The following UNC5D variants were observed in gnomAD, a reference collection of about 807,000 sequenced individuals.
UNC5D encodes netrin receptor UNC5D.
Under a neutral mutation model 105.4 loss-of-function variants are expected in UNC5D, and 39 were observed. That is an observed-to-expected ratio of 0.37 (90% CI 0.29 to 0.48). UNC5D has a LOEUF of 0.48. Ranked by LOEUF, UNC5D falls within the 20% of genes least tolerant of loss-of-function variation. The pLI is 0.98. For missense variants in UNC5D, 991 were observed against 1,202.4 expected (o/e 0.82, Z 2.60); for synonymous variants, 452 against 450.4 (o/e 1.00, Z -0.04).
At chr8:35,450,023 C>T (rs1006145883) in intron 1 of UNC5D, among the ~76,000 whole-genome samples, 5 of 152,154 alleles carry the variant, frequency 3.3e-5, no homozygotes, top group African/African-American at 7.2e-5. Flanking sequence ...TCTCTTTCCA[C>T]ACTCTAGTCT....
chr8:35,319,234 T>G (rs1318435350), intron 1 of UNC5D, among the ~76,000 whole-genome samples: 1 of 152,126 alleles, frequency 6.6e-6, no homozygotes, highest in Non-Finnish European at 1.5e-5. Context: ...AAACTTAATC[T>G]CATTTACAGA....
chr8:35,314,826 A>G (rs550549643), intron 1 of UNC5D, among the ~76,000 whole-genome samples: 110 of 152,298 alleles, frequency 7.2e-4, no homozygotes, highest in Admixed American at 7.1e-3. Context: ...GCAAATCTAT[A>G]GATAATAACA....
intron 16 of UNC5D, among the ~76,000 whole-genome samples, chr8:35,782,941 C>T (rs989746397): frequency 6.6e-6 from 1 of 151,904 alleles, no homozygotes; most frequent in Non-Finnish European, 1.5e-5. Context: ...TCAAGGTGAG[C>T]CCTGGCAACA....
intron 1 of UNC5D, among the ~76,000 whole-genome samples, chr8:35,242,762 C>T (rs766795945): frequency 3.3e-5 from 5 of 152,054 alleles, no homozygotes; most frequent in Non-Finnish European, 7.4e-5. Context: ...CATGAGCCAC[C>T]GTGCCTGGCC....
At chr8:35,422,549 T>C (rs973274718) in intron 1 of UNC5D, among the ~76,000 whole-genome samples, 2 of 152,236 alleles carry the variant, frequency 1.3e-5, no homozygotes, top group African/African-American at 4.8e-5. Flanking sequence ...AAAGATGTCT[T>C]GCAATTGATG....
chr8:35,637,346 G>A (rs1822444575), intron 4 of UNC5D, among the ~76,000 whole-genome samples: 1 of 152,170 alleles, frequency 6.6e-6, no homozygotes, highest in Non-Finnish European at 1.5e-5. Flanking sequence ...TAGGTTTCAT[G>A]TGGAAGCTAA....
At chr8:35,717,692 A>G (rs1276707895) in intron 8 of UNC5D, among the ~76,000 whole-genome samples, 1 of 152,222 alleles carries the variant, frequency 6.6e-6, no homozygotes, top group Non-Finnish European at 1.5e-5. Flanking sequence ...AGAAAAGGTC[A>G]TGGTAATATC....
chr8:35,325,380 G>A (rs542157946), intron 1 of UNC5D, among the ~76,000 whole-genome samples: 7 of 152,266 alleles, frequency 4.6e-5, no homozygotes, highest in African/African-American at 1.4e-4. Context: ...CAATGGTTTT[G>A]TAACAAAGGA....
intron 1 of UNC5D, among the ~76,000 whole-genome samples, chr8:35,384,570 T>C (rs920987385): frequency 6.6e-6 from 1 of 152,196 alleles, no homozygotes; most frequent in African/African-American, 2.4e-5. Context: ...TAAACCCTTA[T>C]GGCCTCCTAA....
At chr8:35,641,914 T>C (rs1822774711) in intron 4 of UNC5D, among the ~76,000 whole-genome samples, 1 of 152,162 alleles carries the variant, frequency 6.6e-6, no homozygotes, top group South Asian at 2.1e-4. Context: ...GGTTCTTGCT[T>C]AGGTATGGAT....
At chr8:35,516,896 A>G (rs1813132781) in intron 1 of UNC5D, among the ~76,000 whole-genome samples, 2 of 152,174 alleles carry the variant, frequency 1.3e-5, no homozygotes, top group Admixed American at 1.3e-4. Flanking sequence ...GTTTTTGTTA[A>G]CTAGATATAT....
intron 1 of UNC5D, among the ~76,000 whole-genome samples, chr8:35,349,619 T>A (rs1439032195): frequency 6.6e-6 from 1 of 151,964 alleles, no homozygotes; most frequent in Non-Finnish European, 1.5e-5. Flanking sequence ...AGAAAATGTC[T>A]GCTTAAGTCT....
intron 1 of UNC5D, among the ~76,000 whole-genome samples, chr8:35,308,469 C>T (rs528319603): frequency 1.3e-5 from 2 of 152,216 alleles, no homozygotes; most frequent in Non-Finnish European, 1.5e-5. Context: ...TACACTTCTC[C>T]TGTCAACTCT....
chr8:35,335,158 A>G (rs1810929555), intron 1 of UNC5D, among the ~76,000 whole-genome samples: 1 of 152,204 alleles, frequency 6.6e-6, no homozygotes, highest in South Asian at 2.1e-4. Flanking sequence ...TTGTATATGT[A>G]TGCAACAATG....
intron 3 of UNC5D, among the ~76,000 whole-genome samples, chr8:35,570,929 G>A (rs997919616): frequency 2.0e-5 from 3 of 152,072 alleles, no homozygotes; most frequent in Non-Finnish European, 4.4e-5. Context: ...TTGTACTCCA[G>A]CCTGGGCAAC....
At chr8:35,564,431 A>T (rs1261911394) in intron 2 of UNC5D, among the ~76,000 whole-genome samples, 1 of 152,080 alleles carries the variant, frequency 6.6e-6, no homozygotes, top group Non-Finnish European at 1.5e-5. Context: ...GCATTGATGG[A>T]TGTTCTCTCT....
At chr8:35,396,925 G>A (rs966630759) in intron 1 of UNC5D, among the ~76,000 whole-genome samples, 1 of 149,802 alleles carries the variant, frequency 6.7e-6, no homozygotes, top group African/African-American at 2.5e-5. Flanking sequence ...TTGTTTTTTT[G>A]TTATTTTGAG....
At chr8:35,773,906 T>C (rs1403596765) in intron 15 of UNC5D, among the ~76,000 whole-genome samples, 1 of 152,090 alleles carries the variant, frequency 6.6e-6, no homozygotes, top group East Asian at 1.9e-4. Flanking sequence ...ATATTTTTAG[T>C]AGAGATGGGG....
At chr8:35,446,205 ATAT>A (rs1453878307) in intron 1 of UNC5D, among the ~76,000 whole-genome samples, 2 of 151,926 alleles carry the variant, frequency 1.3e-5, no homozygotes, top group East Asian at 3.9e-4. Flanking sequence ...CAATTTAAAA[ATAT>A]TATTGTAAAT....
Sources: allele counts gnomAD v4.1 joint callset (sites outside exome capture counted in the v4.1 genomes callset), GRCh38; gene constraint gnomAD v4.1.1; transcripts MANE v1.5; gene names NCBI Gene and HGNC (gene_info 2026-07-23, HGNC 2026-07-21).